Variants in USH2A observed in about 807,000 individuals in gnomAD.
USH2A encodes Usher syndrome 2A (autosomal recessive, mild).
In USH2A, 443 loss-of-function variants were observed where a neutral mutation model predicts 538.9. The observed-to-expected ratio is 0.82, with a 90% CI of 0.76 to 0.89. The LOEUF (loss-of-function observed/expected upper bound fraction) is 0.89. USH2A is among the 40% of genes least tolerant of loss of function. The probability of loss-of-function intolerance (pLI) is 0.00; values close to 1 mark genes in which losing one functional copy is unlikely to be tolerated. For synonymous variants in USH2A, 2,413 were observed against 2,273.5 expected (o/e 1.06, Z -1.75); for missense variants, 6,633 against 6,324.8 (o/e 1.05, Z -1.65).
chr1:215,743,671 T>C (rs1660380753), intron 58 of USH2A, among the ~76,000 whole-genome samples: 1 of 150,808 alleles, frequency 6.6e-6, no homozygotes. Context: ...AATACAGAAA[T>C]TAGCCGGGCA....
chr1:216,123,091 A>G (rs956621177), intron 21 of USH2A, among the ~76,000 whole-genome samples: 2 of 152,186 alleles, frequency 1.3e-5, no homozygotes, highest in Non-Finnish European at 2.9e-5. Context: ...ATTTATGCCA[A>G]TTATACAGAT....
At chr1:216,280,376 C>A (rs1244373574) in intron 11 of USH2A, among the ~76,000 whole-genome samples, 1 of 151,350 alleles carries the variant, frequency 6.6e-6, no homozygotes, top group Admixed American at 6.6e-5. Flanking sequence ...ACTGAAAGCT[C>A]TCACCCTCAA....
At chr1:216,354,303 T>C (rs1044165711) in intron 4 of USH2A, among the ~76,000 whole-genome samples, 2 of 152,144 alleles carry the variant, frequency 1.3e-5, no homozygotes, top group Non-Finnish European at 2.9e-5. Context: ...TCTTTCATTC[T>C]TTTACGCAAA....
Position 216,324,236 on chromosome 1 carries a change from A to G in USH2A, c.1260T>C (p.Gly420=). The change falls in exon 7 of 72, where the codon GGT becomes GGC. Residue 420 remains glycine, a synonymous_variant. Transcript: ENST00000307340. ...CTCCATTGTTTTTCATTCCAAAAGC[A>G]CCACAATTCCTGGCAAAATATTGCC... is the stretch of plus-strand genomic sequence containing the variant. The part of the protein sequence containing the change: ...EDWQYFARNC[G]AFGMKNNGDL... The G allele has an allele frequency of 4.3e-6, 7 of 1,613,446 alleles. No homozygotes were observed. Among genetic ancestry groups the G allele is most frequent in the Non-Finnish European group, 5.9e-6 (7 of 1,179,708 alleles).
intron 11 of USH2A, among the ~76,000 whole-genome samples, chr1:216,275,510 A>C (rs1459190959): frequency 6.6e-6 from 1 of 152,096 alleles, no homozygotes; most frequent in Non-Finnish European, 1.5e-5. Flanking sequence ...AGTTGCTAGG[A>C]ACTTACACAG....
chr1:215,867,652 A>T (rs1005268880), intron 43 of USH2A, among the ~76,000 whole-genome samples: 1 of 152,216 alleles, frequency 6.6e-6, no homozygotes, highest in Non-Finnish European at 1.5e-5. Context: ...CTTTCCCATA[A>T]TCTCACTGCA....
At chr1:216,313,541 A>G (rs576786320) in intron 9 of USH2A, among the ~76,000 whole-genome samples, 3 of 152,176 alleles carry the variant, frequency 2.0e-5, no homozygotes, top group Admixed American at 2.0e-4. Flanking sequence ...TCTTTCTTAC[A>G]TATAACCTTA....
chr1:216,361,295 A>G (rs1220512317), intron 4 of USH2A, among the ~76,000 whole-genome samples: 1 of 152,142 alleles, frequency 6.6e-6, no homozygotes, highest in African/African-American at 2.4e-5. Context: ...AAAGTAAAAT[A>G]ATAAAGCTTC....
intron 13 of USH2A, among the ~76,000 whole-genome samples, chr1:216,236,281 A>C (rs1259357387): frequency 2.0e-5 from 3 of 152,100 alleles, no homozygotes; most frequent in African/African-American, 7.2e-5. Context: ...TCAGTTCAGA[A>C]ATCATTTTCT....
chr1:216,414,094 C>A (rs867129476), intron 3 of USH2A, among the ~76,000 whole-genome samples: 3 of 152,110 alleles, frequency 2.0e-5, no homozygotes, highest in African/African-American at 4.8e-5. Context: ...CTTATAACTA[C>A]AGCATGTGCT....
chr1:215,634,989 T>C (rs940680248), intron 69 of USH2A, among the ~76,000 whole-genome samples: 2 of 152,108 alleles, frequency 1.3e-5, no homozygotes, highest in Non-Finnish European at 2.9e-5. Flanking sequence ...GATGGGAGTG[T>C]GGGGAGCAAT....
chr1:216,189,474 T>G (rs564855192), intron 20 of USH2A, among the ~76,000 whole-genome samples: 1 of 152,108 alleles, frequency 6.6e-6, no homozygotes, highest in South Asian at 2.1e-4. Flanking sequence ...AAACACTGAT[T>G]TGAAAATATA....
intron 21 of USH2A, among the ~76,000 whole-genome samples, chr1:216,172,420 G>C (rs554214303): frequency 1.3e-5 from 2 of 152,058 alleles, no homozygotes; most frequent in South Asian, 4.2e-4. Context: ...GTTGAAGTTT[G>C]AGATTTTGAA....
intron 71 of USH2A, 147 bp from the exon 72 acceptor site, chr1:215,626,017 C>G: frequency 1.3e-6 from 1 of 756,878 alleles, no homozygotes; most frequent in Non-Finnish European, 2.2e-6. Flanking sequence ...TAAAACAGAC[C>G]TTGCCTTAAA....
At chr1:215,999,497 G>A (rs981753521) in intron 33 of USH2A, among the ~76,000 whole-genome samples, 1 of 152,092 alleles carries the variant, frequency 6.6e-6, no homozygotes, top group Non-Finnish European at 1.5e-5. Context: ...GAAAAAATCA[G>A]GCAGGACTTC....
intron 70 of USH2A, among the ~76,000 whole-genome samples, chr1:215,632,257 C>A (rs1480438088): frequency 7.2e-5 from 11 of 152,012 alleles, no homozygotes; most frequent in African/African-American, 2.7e-4. Flanking sequence ...GTTAAAATGG[C>A]AGATTATTGA....
At chr1:215,756,642 G>A (rs10864195) in intron 58 of USH2A, among the ~76,000 whole-genome samples, 23,818 of 152,026 alleles carry the variant, frequency 0.16, 2,013 homozygotes, top group African/African-American at 0.21. Flanking sequence ...CTAAAAAATC[G>A]TGGCCAGGTG....
chr1:216,281,327 T>C (rs1310226680), intron 11 of USH2A, among the ~76,000 whole-genome samples: 1 of 152,124 alleles, frequency 6.6e-6, no homozygotes, highest in Non-Finnish European at 1.5e-5. Context: ...ACTATAAAAG[T>C]TATAAATAAA....
intron 11 of USH2A, among the ~76,000 whole-genome samples, chr1:216,264,191 T>A (rs923319917): frequency 6.6e-6 from 1 of 152,250 alleles, no homozygotes; most frequent in South Asian, 2.1e-4. Context: ...AAAAGCAATC[T>A]ACAGATTCAA....
Sources: allele counts gnomAD v4.1 joint callset (sites outside exome capture counted in the v4.1 genomes callset), GRCh38; gene constraint gnomAD v4.1.1; transcripts MANE v1.5; gene names NCBI Gene and HGNC (gene_info 2026-07-23, HGNC 2026-07-21).